The following ZNF521 variants were observed in gnomAD, a reference collection of about 807,000 sequenced individuals.
ZNF521 encodes the protein LYST-interacting protein 3.
ZNF521 carries 14 observed loss-of-function variants against 105.5 expected under a neutral mutation model. The ratio of observed to expected loss-of-function variants is 0.13; its 90% confidence interval spans 0.09 to 0.21. The LOEUF is 0.21. ZNF521 is among the 10% of genes least tolerant of loss of function. ZNF521 has a pLI of 1.00. For missense variants in ZNF521, 1,233 were observed against 1,629.7 expected (o/e 0.76, Z 4.19); for synonymous variants, 635 against 606.0 (o/e 1.05, Z -0.70).
At chr18:25,149,612 T>C (rs2035008132) in intron 5 of ZNF521, among the ~76,000 whole-genome samples, 2 of 152,314 alleles carry the variant, frequency 1.3e-5, no homozygotes, top group Admixed American at 6.5e-5. Flanking sequence ...TATCTATAGA[T>C]GGTTAACTGC....
At chr18:25,105,352 ATCT>A (rs752875301) in intron 5 of ZNF521, among the ~76,000 whole-genome samples, 3 of 152,206 alleles carry the variant, frequency 2.0e-5, no homozygotes, top group Non-Finnish European at 2.9e-5. Context: ...ATATGATCTC[ATCT>A]TCTGCAAAAT....
At chr18:25,149,237 T>C (rs1479036318) in intron 5 of ZNF521, among the ~76,000 whole-genome samples, 2 of 152,190 alleles carry the variant, frequency 1.3e-5, no homozygotes, top group Non-Finnish European at 1.5e-5. Context: ...GGTGCTACTG[T>C]GTAACTTCTA....
chr18:25,130,375 T>A (rs1276607975), intron 5 of ZNF521, among the ~76,000 whole-genome samples: 1 of 152,004 alleles, frequency 6.6e-6, no homozygotes, highest in Non-Finnish European at 1.5e-5. Context: ...ACAAAGAAAA[T>A]TTTTTGGGCA....
chr18:25,127,973 T>C (rs898726360), intron 5 of ZNF521, among the ~76,000 whole-genome samples: 6 of 152,026 alleles, frequency 3.9e-5, no homozygotes, highest in African/African-American at 1.2e-4. Flanking sequence ...ACTCATTCTA[T>C]GATGCCAGCC....
intron 5 of ZNF521, among the ~76,000 whole-genome samples, chr18:25,173,680 GA>G (rs1440131445): frequency 6.6e-6 from 1 of 152,110 alleles, no homozygotes; most frequent in African/African-American, 2.4e-5. Context: ...GTGGAAACAA[GA>G]GATAAAGCAG....
chr18:25,322,239 A>G, intron 2 of ZNF521, 52 bp from the exon 3 acceptor site: 1 of 1,565,306 alleles, frequency 6.4e-7, no homozygotes, highest in Non-Finnish European at 8.8e-7. Context: ...GTTCTTTTAA[A>G]GTAACATTTA....
At chr18:25,216,435 ATAAAG>A (rs1201036958) in intron 4 of ZNF521, among the ~76,000 whole-genome samples, 1 of 152,248 alleles carries the variant, frequency 6.6e-6, no homozygotes, top group Non-Finnish European at 1.5e-5. Flanking sequence ...GTAACTGAAA[ATAAAG>A]TATACACCAT....
intron 3 of ZNF521, 67 bp downstream of exon 3, chr18:25,321,941 G>C: frequency 6.9e-7 from 1 of 1,445,772 alleles, no homozygotes. Flanking sequence ...AACACATAAA[G>C]GAACAAACTG....
chr18:25,287,888 A>G (rs2145015924), intron 3 of ZNF521, among the ~76,000 whole-genome samples: 1 of 152,338 alleles, frequency 6.6e-6, no homozygotes, highest in Admixed American at 6.5e-5. Flanking sequence ...TTAGGATTCT[A>G]CTTGCTTGTA....
intron 3 of ZNF521, among the ~76,000 whole-genome samples, chr18:25,296,699 T>A (rs982197316): frequency 2.0e-5 from 3 of 152,206 alleles, no homozygotes; most frequent in African/African-American, 7.2e-5. Context: ...CAAGTTCAAG[T>A]CTTCCTTGAC....
At chr18:25,282,378 G>A (rs903479343) in intron 3 of ZNF521, among the ~76,000 whole-genome samples, 5 of 152,144 alleles carry the variant, frequency 3.3e-5, no homozygotes, top group African/African-American at 7.2e-5. Flanking sequence ...TGACCAGTGC[G>A]TCGGGCCACT....
intron 3 of ZNF521, among the ~76,000 whole-genome samples, chr18:25,233,585 T>C (rs560259549): frequency 6.6e-6 from 1 of 151,746 alleles, no homozygotes; most frequent in Non-Finnish European, 1.5e-5. Flanking sequence ...ACAGCAGCTG[T>C]GAAGAGCGGG....
At chr18:25,147,390 T>C (rs1364576284) in intron 5 of ZNF521, among the ~76,000 whole-genome samples, 1 of 152,186 alleles carries the variant, frequency 6.6e-6, no homozygotes, top group Non-Finnish European at 1.5e-5. Flanking sequence ...GACCAAACTA[T>C]AAATTTTCCA....
intron 5 of ZNF521, among the ~76,000 whole-genome samples, chr18:25,143,008 T>C (rs751303915): frequency 6.6e-5 from 10 of 152,152 alleles, no homozygotes; most frequent in Non-Finnish European, 1.3e-4. Flanking sequence ...CATGTTGTTA[T>C]CAACAGATAT....
chr18:25,201,415 T>A (rs2035990951), intron 4 of ZNF521: 1 of 152,206 alleles, frequency 6.6e-6, no homozygotes, highest in South Asian at 2.1e-4. Flanking sequence ...ATTACCACTT[T>A]CTATTGCTGG....
intron 5 of ZNF521, among the ~76,000 whole-genome samples, chr18:25,095,770 C>T (rs943174903): frequency 6.6e-6 from 1 of 152,124 alleles, no homozygotes; most frequent in Non-Finnish European, 1.5e-5. Flanking sequence ...ATTCTAGCCA[C>T]GTATGTACAA....
chr18:25,351,152 A>ACGG lies in ZNF521; in HGVS notation c.-1-208_-1-206dup, dbSNP rs551517292. ...CTGCCCGAGCTCCGCGCTCTGCACG[A>ACGG]CGGCGGCGGCGGCGGCGGCGGCTGC... On this transcript the variant is annotated intron_variant, in intron 1 of 7. Coordinates refer to ENST00000361524, the MANE Select transcript of ZNF521 (RefSeq NM_015461.3). 97 of 155,146 alleles carry ACGG rather than the reference A, an allele frequency of 6.3e-4. 3 individuals are homozygous for ACGG. The South Asian group carries it at 0.013, about 21-fold the overall frequency. The allele number at this position is 155,146 out of a possible 1,614,324, so 9.6% of individuals were successfully genotyped here. A position where few individuals can be genotyped will look rare whatever the true frequency, so the allele number is the denominator to read the frequency against.
At chr18:25,191,523 G>C (rs2035818131) in intron 5 of ZNF521, among the ~76,000 whole-genome samples, 1 of 152,088 alleles carries the variant, frequency 6.6e-6, no homozygotes, top group Non-Finnish European at 1.5e-5. Context: ...GAACACATTT[G>C]TTTCTTTGGG....
intron 5 of ZNF521, among the ~76,000 whole-genome samples, chr18:25,104,705 G>A (rs1397749455): frequency 3.3e-5 from 5 of 152,128 alleles, no homozygotes; most frequent in South Asian, 2.1e-4. Flanking sequence ...TAATTGTTGC[G>A]TAAAACAGGA....
Sources: allele counts gnomAD v4.1 joint callset (sites outside exome capture counted in the v4.1 genomes callset), GRCh38; gene constraint gnomAD v4.1.1; transcripts MANE v1.5; gene names NCBI Gene and HGNC (gene_info 2026-07-23, HGNC 2026-07-21).